OR8G1: variants seen among roughly 807,000 people sequenced by gnomAD.
OR8G1 encodes olfactory receptor family 8 subfamily G member 1.
For synonymous variants in OR8G1, 129 were observed against 133.3 expected (o/e 0.97, Z 0.22); for missense variants, 372 against 356.2 (o/e 1.04, Z -0.36).
At chr11:124,241,613 A>C (rs1861761868) in intron 1 of OR8G1, among the ~76,000 whole-genome samples, 1 of 152,096 alleles carries the variant, frequency 6.6e-6, no homozygotes, top group African/African-American at 2.4e-5. Context: ...TGGAAATCAG[A>C]GTTTTTGGAG....
intron 2 of OR8G1, 69 bp downstream of exon 2, chr11:124,247,949 T>A (rs930053348): frequency 1.1e-4 from 16 of 152,088 alleles, no homozygotes; most frequent in Non-Finnish European, 1.5e-5. Flanking sequence ...ATTGCCAACA[T>A]CTTTTCCAAA....
Position 124,250,501 on chromosome 11 carries a change from G to A in OR8G1, c.826G>A (p.Val276Met). 1 of 1,613,504 alleles carries A rather than the reference G, an allele frequency of 6.2e-7. No individual in the cohort carries two copies. The highest frequency in any genetic ancestry group is 8.5e-7 in the Non-Finnish European group (1 of 1,179,664). ...SSMDQGKVSS[V>M]FYTIIVPMLN... ...CATGGACCAGGGGAAAGTATCCTCT[G>A]TGTTTTATACTATTATTGTGCCCAT... The change falls in exon 3 of 3, where the codon GTG becomes ATG. Residue 276 changes from valine to methionine, a missense_variant. By Grantham distance (21) the Val-to-Met change is conservative. Coordinates refer to ENST00000641972, the MANE Select transcript of OR8G1 (RefSeq NM_001002905.2).
In OR8G1 at chr11:124,250,103, C is replaced by A. The variant is rs747479176; in HGVS notation, c.428C>A (p.Ser143Tyr). The A allele has an allele frequency of 6.2e-7, 1 of 1,613,670 alleles. No homozygotes were observed. The highest frequency in any genetic ancestry group is 1.3e-5 in the African/African-American group (1 of 74,888). Residue 143 changes from serine to tyrosine, a missense_variant, in exon 3 of 3, where the codon TCT (serine) becomes TAT (tyrosine). Ser to Tyr is a moderately radical substitution (Grantham distance 144). Coordinates refer to ENST00000641972, the MANE Select transcript of OR8G1 (RefSeq NM_001002905.2). ...ATCATATCCAATAAGGCTTGCTTTT[C>A]TCTGATTTTAGGGGTGTATATAATA... ...SVIISNKACF[S>Y]LILGVYIIGL...
At chr11:124,244,182 G>T (rs2137745622) in intron 1 of OR8G1, among the ~76,000 whole-genome samples, 1 of 151,584 alleles carries the variant, frequency 6.6e-6, no homozygotes, top group African/African-American at 2.4e-5. Flanking sequence ...AGCAGGGTGG[G>T]AAGAGCTTCA....
chr11:124,244,008 G>T lies in OR8G1; in HGVS notation c.-97+2644G>T, dbSNP rs113950428. On this transcript the variant is annotated intron_variant, in intron 1 of 2. Coordinates refer to ENST00000641972, the MANE Select transcript of OR8G1 (RefSeq NM_001002905.2). ...AGAGAGGGAGAGAGAGATGGAGAGA[G>T]AACAAGGAAAGGATGGAGAGAGGGA... is the stretch of plus-strand genomic sequence containing the variant. Among the ~76,000 whole-genome samples, 1,363 of 149,736 alleles carry T rather than the reference G, an allele frequency of 9.1e-3. 29 individuals are homozygous for T. The highest frequency in any genetic ancestry group is 0.032 in the African/African-American group (1,293 of 40,446).
intron 1 of OR8G1, among the ~76,000 whole-genome samples, chr11:124,247,318 T>A (rs1861821004): frequency 1.3e-5 from 2 of 151,606 alleles, no homozygotes; most frequent in Admixed American, 6.6e-5. Context: ...ATTTTAGGAA[T>A]CAGAAAAAAG....
rs1861873475 is a variant in OR8G1 at position 124,252,311 on chromosome 11, C to T, written c.*1700C>T. ...TTTCTTTAAGCTTATTTACTTATTA[C>T]TTATTTGCTATTACTAGTGTATCTA... On this transcript the variant is annotated 3_prime_UTR_variant, in exon 3 of 3. Transcript: ENST00000641972. The T allele has an allele frequency of 6.6e-6, 1 of 152,092 alleles. No homozygotes were observed. The allele number at this position is 152,092 out of a possible 1,614,324, so 9.4% of individuals were successfully genotyped here.
Position 124,242,963 on chromosome 11 carries a change from C to T in OR8G1, c.-97+1599C>T, listed in dbSNP as rs192401355. 3.9e-5 allele frequency among the ~76,000 whole-genome samples: 6 copies of T among 151,928 alleles called. No individual in the cohort carries two copies. The East Asian group carries it at 9.7e-4, about 25-fold the overall frequency. ...ACCAAAGGGTGTGTGTAGACCATAC[C>T]ATGGGGAATTGTCAATTCCCAAATC... On this transcript the variant is annotated intron_variant, in intron 1 of 2. Coordinates refer to ENST00000641972, the MANE Select transcript of OR8G1 (RefSeq NM_001002905.2).
intron 2 of OR8G1, among the ~76,000 whole-genome samples, chr11:124,248,310 C>T (rs1861832311): frequency 6.6e-6 from 1 of 151,680 alleles, no homozygotes; most frequent in Non-Finnish European, 1.5e-5. Flanking sequence ...TTAATACTAT[C>T]TTTTGAAGAA....
Position 124,249,641 on chromosome 11 carries a change from G to C in OR8G1, c.-16-19G>C, listed in dbSNP as rs376965349. 1.3e-6 allele frequency: 2 copies of C among 1,568,594 alleles called. No individual in the cohort carries two copies. The highest frequency in any genetic ancestry group is 2.0e-5 in the Admixed American group (1 of 50,540). On this transcript the variant is annotated intron_variant, in intron 2 of 2. Coordinates refer to ENST00000641972, the MANE Select transcript of OR8G1 (RefSeq NM_001002905.2). Reference sequence around the variant, plus strand: ...CACAACCATGGGGTTTTTTTGTTTTGTTTTTTCTCTTCCTGCAGAAACTGA... The same window carrying C: ...CACAACCATGGGGTTTTTTTGTTTTCTTTTTTCTCTTCCTGCAGAAACTGA...
rs367714965 is a variant in OR8G1 at position 124,253,171 on chromosome 11, A to T, written c.*2560A>T. 5 of 152,308 alleles carry T rather than the reference A, an allele frequency of 3.3e-5. No individual in the cohort carries two copies. In the East Asian group the frequency reaches 7.7e-4, roughly 23 times the overall value. 9.4% of individuals were successfully genotyped at this position (152,308 alleles called of 1,614,324 possible). ...TGCAGTGGCTCATGCCTGTAGTCCC[A>T]GCACTTTGGGGAGCTGAGGTGGGTG... On this transcript the variant is annotated 3_prime_UTR_variant, in exon 3 of 3. Coordinates refer to ENST00000641972, the MANE Select transcript of OR8G1 (RefSeq NM_001002905.2).
chr11:124,250,217 T>C lies in OR8G1; in HGVS notation c.542T>C (p.Leu181Pro). The change falls in exon 3 of 3, where the codon CTT becomes CCT. Residue 181 changes from leucine (L) to proline (P), a missense_variant. Transcript: ENST00000641972. ...FDLINHYFCD[L>P]LPLLKLSCSS... ...TTGATTAACCATTATTTCTGTGATCTTCTTCCCCTCCTAAAGCTCTCTTGC... is the reference window on the plus strand; with the variant it reads ...TTGATTAACCATTATTTCTGTGATCCTCTTCCCCTCCTAAAGCTCTCTTGC... 6.2e-7 allele frequency: 1 copy of C among 1,613,754 alleles called. No individual in the cohort carries two copies. Among genetic ancestry groups the C allele is most frequent in the Non-Finnish European group, 8.5e-7 (1 of 1,179,806 alleles).
intron 1 of OR8G1, among the ~76,000 whole-genome samples, chr11:124,241,725 A>C (rs1311707132): frequency 1.3e-5 from 2 of 152,150 alleles, no homozygotes; most frequent in Non-Finnish European, 2.9e-5. Flanking sequence ...ACCAGACATC[A>C]GAAAGACAGG....
chr11:124,247,630 T>C (rs1200060981), intron 1 of OR8G1, among the ~76,000 whole-genome samples, 171 bp from the exon 2 acceptor site: 1 of 151,878 alleles, frequency 6.6e-6, no homozygotes, highest in Non-Finnish European at 1.5e-5. Context: ...GAGATTTGTG[T>C]TATTGCATGT....
rs555129290 is a variant in OR8G1 at position 124,247,506 on chromosome 11, C to G, written c.-96-295C>G. On this transcript the variant is annotated intron_variant, in intron 1 of 2. Transcript: ENST00000641972. ...GTAATATCTATTAAATAAATTCAAT[C>G]CATTACTAAAAATTCTCACAGAGAG... 2.3e-3 allele frequency among the ~76,000 whole-genome samples: 351 copies of G among 151,820 alleles called. 2 individuals are homozygous for G. Among genetic ancestry groups the G allele is most frequent in the African/African-American group, 7.9e-3 (327 of 41,512 alleles).
At position 124,251,938 on chromosome 11, in the gene OR8G1, A is replaced by C. The variant is rs1861870430; in HGVS notation, c.*1327A>C. On this transcript the variant is annotated 3_prime_UTR_variant, in exon 3 of 3. Coordinates refer to ENST00000641972, the MANE Select transcript of OR8G1 (RefSeq NM_001002905.2). ...TAAGCTATGTTTCTATAACCAGAAGAAATATTTCACTTGTCTATATTTGGA... is the reference window on the plus strand; with the variant it reads ...TAAGCTATGTTTCTATAACCAGAAGCAATATTTCACTTGTCTATATTTGGA... 6.6e-6 allele frequency: 1 copy of C among 152,392 alleles called. No individual in the cohort carries two copies. The highest frequency in any genetic ancestry group is 6.5e-5 in the Admixed American group (1 of 15,298). 9.4% of individuals were successfully genotyped at this position (152,392 alleles called of 1,614,324 possible).
chr11:124,244,583 A>G (rs1001720017), intron 1 of OR8G1, among the ~76,000 whole-genome samples: 10 of 151,888 alleles, frequency 6.6e-5, no homozygotes, highest in Non-Finnish European at 1.0e-4. Context: ...TATGACAAAA[A>G]AAGTTCCCTG....
At chr11:124,242,342 C>T (rs955747263) in intron 1 of OR8G1, among the ~76,000 whole-genome samples, 11 of 151,954 alleles carry the variant, frequency 7.2e-5, no homozygotes, top group East Asian at 3.9e-4. Flanking sequence ...CATTGGAAAA[C>T]GATGGACTCC....
In OR8G1 at chr11:124,250,160, G is replaced by T. The variant is rs748908874; in HGVS notation, c.485G>T (p.Cys162Phe). Reference protein sequence around the residue: ...GLVCASVHTGCMFRVQFCKFD... With the variant: ...GLVCASVHTGFMFRVQFCKFD... ...GTTTGTGCATCAGTTCATACAGGCT[G>T]TATGTTTAGGGTTCAATTCTGCAAA... Residue 162 changes from cysteine (C) to phenylalanine (F), a missense_variant, in exon 3 of 3, where the codon TGT becomes TTT. By Grantham distance (205) the Cys-to-Phe change is radical. Transcript: ENST00000641972. 20 of 1,613,658 alleles carry T rather than the reference G, an allele frequency of 1.2e-5. No individual in the cohort carries two copies. The highest frequency in any genetic ancestry group is 1.6e-5 in the Non-Finnish European group (19 of 1,179,838).
Sources: allele counts gnomAD v4.1 joint callset (sites outside exome capture counted in the v4.1 genomes callset), GRCh38; gene constraint gnomAD v4.1.1; transcripts MANE v1.5; gene names NCBI Gene and HGNC (gene_info 2026-07-23, HGNC 2026-07-21).